ABLIM1: variants seen among roughly 807,000 people sequenced by gnomAD.
The protein encoded by ABLIM1 is actin binding LIM protein 1, also known as actin-binding LIM protein 1.
ABLIM1 carries 40 observed loss-of-function variants against 107.0 expected under a neutral mutation model. That is an observed-to-expected ratio of 0.37 (90% CI 0.29 to 0.49). The LOEUF (loss-of-function observed/expected upper bound fraction) is 0.49, where lower values mean the gene tolerates loss of function less well. Ranked by LOEUF, ABLIM1 falls within the 20% of genes least tolerant of loss-of-function variation. The pLI, the probability that ABLIM1 is intolerant of heterozygous loss-of-function variation, is 0.97. For missense variants in ABLIM1, 857 were observed against 1,008.5 expected (o/e 0.85, Z 2.04); for synonymous variants, 357 against 357.3 (o/e 1.00, Z 0.01).
At chr10:114,733,714 T>A (rs980625086) in intron 1 of ABLIM1, among the ~76,000 whole-genome samples, 1 of 152,166 alleles carries the variant, frequency 6.6e-6, no homozygotes, top group Non-Finnish European at 1.5e-5. Context: ...GCAGACCAGG[T>A]ACATCTGCCA....
chr10:114,664,219 T>C (rs1350148570), intron 1 of ABLIM1, among the ~76,000 whole-genome samples: 1 of 152,148 alleles, frequency 6.6e-6, no homozygotes, highest in Non-Finnish European at 1.5e-5. Context: ...AGGAGACTGG[T>C]TTAAAATCAG....
intron 1 of ABLIM1, among the ~76,000 whole-genome samples, chr10:114,744,881 G>A (rs751272510): frequency 6.6e-6 from 1 of 151,846 alleles, no homozygotes; most frequent in Non-Finnish European, 1.5e-5. Context: ...CGGGTGTCCA[G>A]TTGCTGGCCT....
chr10:114,446,002 G>A (rs1303932100), intron 15 of ABLIM1, among the ~76,000 whole-genome samples: 1 of 152,144 alleles, frequency 6.6e-6, no homozygotes, highest in Non-Finnish European at 1.5e-5. Context: ...AAACTCCAGG[G>A]CTCAACTAAT....
chr10:114,668,477 G>A (rs1566208591), intron 1 of ABLIM1, among the ~76,000 whole-genome samples: 1 of 152,070 alleles, frequency 6.6e-6, no homozygotes, highest in Non-Finnish European at 1.5e-5. Context: ...CTTGATAAGG[G>A]GGAAATCAAT....
chr10:114,659,759 G>A (rs1305900764), upstream of ABLIM1, among the ~76,000 whole-genome samples: 4 of 152,000 alleles, frequency 2.6e-5, no homozygotes, highest in African/African-American at 7.2e-5. Flanking sequence ...ACTGATCTAC[G>A]CCAGCCTTTA....
chr10:114,788,763 A>AACCTC, the ABLIM1 span, among the ~76,000 whole-genome samples: 1 of 151,764 alleles, frequency 6.6e-6, no homozygotes, highest in Non-Finnish European at 1.5e-5. Flanking sequence ...AACAAAACAA[A>AACCTC]ACCTCATAGG....
At chr10:114,634,375 G>A (rs1427393663) in intron 1 of ABLIM1, among the ~76,000 whole-genome samples, 3 of 151,204 alleles carry the variant, frequency 2.0e-5, no homozygotes, top group East Asian at 1.9e-4. Flanking sequence ...CTCGTGATCC[G>A]CCCGCCTCGG....
intron 1 of ABLIM1, among the ~76,000 whole-genome samples, chr10:114,654,573 A>C (rs1355882040): frequency 6.6e-6 from 1 of 152,108 alleles, no homozygotes; most frequent in Non-Finnish European, 1.5e-5. Flanking sequence ...CAGCCTCTCA[A>C]GTAGCTGGTA....
rs912113277 is a variant in ABLIM1 at position 114,643,299 on chromosome 10, T to A, written c.244+14658A>T. 4.6e-5 allele frequency among the ~76,000 whole-genome samples: 7 copies of A among 152,038 alleles called. No individual in the cohort carries two copies. In the East Asian group the frequency reaches 1.4e-3, roughly 29 times the overall value. The stretch of plus-strand genomic sequence containing the variant: ...GGTGAGTAGGAGACAACTATGAGAG[T>A]GCTGTTGTTCTCGTGTACACAGTAG... On this transcript the variant is annotated intron_variant, in intron 1 of 22. Transcript: ENST00000533213.
intron 1 of ABLIM1, among the ~76,000 whole-genome samples, chr10:114,738,780 A>G (rs2082232136): frequency 7.0e-6 from 1 of 142,548 alleles, no homozygotes; most frequent in South Asian, 2.2e-4. Context: ...CTGAGGCACG[A>G]TAAAAAAAAA....
At chr10:114,480,143 T>C (rs77747043) in intron 8 of ABLIM1, among the ~76,000 whole-genome samples, 4,437 of 152,318 alleles carry the variant, frequency 0.029, 193 homozygotes, top group African/African-American at 0.098. Context: ...TTACAGGTGA[T>C]CGTGACATGT....
At chr10:114,544,967 G>T in intron 6 of ABLIM1, 38 bp downstream of exon 6, 2 of 1,590,538 alleles carry the variant, frequency 1.3e-6, no homozygotes, top group Non-Finnish European at 1.7e-6. Context: ...CGCTGAGAAA[G>T]ATGGCGGTAG....
chr10:114,679,726 T>C (rs1177878884), intron 1 of ABLIM1, among the ~76,000 whole-genome samples: 4 of 152,080 alleles, frequency 2.6e-5, no homozygotes, highest in African/African-American at 4.8e-5. Flanking sequence ...AATGTCTCAT[T>C]GGGAAATGCC....
At chr10:114,766,356 A>G (rs1415100201) in intron 1 of ABLIM1, among the ~76,000 whole-genome samples, 4 of 152,226 alleles carry the variant, frequency 2.6e-5, no homozygotes, top group African/African-American at 9.6e-5. Context: ...GGGAAATAAG[A>G]CAACTGAATG....
chr10:114,579,114 C>T (rs1182433309), intron 2 of ABLIM1, among the ~76,000 whole-genome samples: 1 of 152,146 alleles, frequency 6.6e-6, no homozygotes, highest in Admixed American at 6.6e-5. Context: ...GATCCATTCC[C>T]TCCTCTGCCT....
At chr10:114,531,289 T>C (rs1030236551) in intron 6 of ABLIM1, among the ~76,000 whole-genome samples, 6 of 152,232 alleles carry the variant, frequency 3.9e-5, no homozygotes, top group African/African-American at 1.4e-4. Flanking sequence ...GCCCGGTATG[T>C]GAGGCACTGT....
At chr10:114,535,032 A>G (rs1456458939) in intron 6 of ABLIM1, among the ~76,000 whole-genome samples, 1 of 152,226 alleles carries the variant, frequency 6.6e-6, no homozygotes, top group East Asian at 1.9e-4. Context: ...CATTCAATCA[A>G]TGTGCTCTGC....
Position 114,455,270 on chromosome 10 carries a change from A to G in ABLIM1, c.1442-1787T>C, listed in dbSNP as rs1041245363. 8.6e-4 allele frequency among the ~76,000 whole-genome samples: 131 copies of G among 152,186 alleles called. 4 individuals carry two copies. The highest frequency in any genetic ancestry group is 2.2e-4 in the Non-Finnish European group (15 of 68,024). On this transcript the variant is annotated intron_variant, in intron 12 of 22. Transcript: ENST00000533213. Reference sequence around the variant, plus strand: ...CTGGCTTTTGGTTATTGGTGTTCTGAAACTTTTGTCTTTTCTTCTCAAGAG... The same window carrying G: ...CTGGCTTTTGGTTATTGGTGTTCTGGAACTTTTGTCTTTTCTTCTCAAGAG...
At chr10:114,693,119 G>A (rs375789686) in intron 1 of ABLIM1, among the ~76,000 whole-genome samples, 1 of 152,128 alleles carries the variant, frequency 6.6e-6, no homozygotes, top group African/African-American at 2.4e-5. Context: ...TATTATCTAG[G>A]CCAGCTGTTT....
Sources: gnomAD v4.1 joint callset for allele counts (sites outside exome capture counted in the v4.1 genomes callset) on GRCh38, gnomAD v4.1.1 for gene constraint, MANE v1.5 for transcripts, NCBI Gene and HGNC (gene_info 2026-07-23, HGNC 2026-07-21) for gene names.